The following MON2 variants were observed in gnomAD, a reference collection of about 807,000 sequenced individuals.
The protein encoded by MON2 is protein MON2 homolog.
A neutral mutation model predicts 208.6 loss-of-function variants in MON2; 84 were observed. The ratio of observed to expected loss-of-function variants is 0.40; its 90% CI spans 0.34 to 0.48. MON2 has a LOEUF of 0.48. MON2 is among the 20% of genes least tolerant of loss of function. MON2 has a pLI of 0.59. For synonymous variants in MON2, 660 were observed against 694.0 expected (o/e 0.95, Z 0.77); for missense variants, 1,611 against 2,015.4 (o/e 0.80, Z 3.84).
chr12:62,544,992 C>T lies in MON2; in HGVS notation c.2561C>T (p.Pro854Leu), dbSNP rs760199465. 7 of 1,582,850 alleles carry T rather than the reference C, an allele frequency of 4.4e-6. No homozygotes were observed. In the South Asian group the frequency reaches 7.0e-5, roughly 16 times the overall value. The change falls in exon 21 of 35, where the codon CCA (proline) becomes CTA (leucine). Residue 854 changes from proline (P) to leucine (L), a missense_variant. Coordinates refer to ENST00000393630, the MANE Select transcript of MON2 (RefSeq NM_015026.3). The stretch of plus-strand genomic sequence containing the variant: ...GGATTAACATTTAACCATGATCCTC[C>T]ACTCTCACAAAACCAGGTAATAAAA... Reference protein sequence around the residue: ...KAGLTFNHDPPLSQNQRLQLL... With the variant: ...KAGLTFNHDPLLSQNQRLQLL...
intron 11 of MON2, 46 bp downstream of exon 11, chr12:62,526,148 G>T: frequency 1.3e-6 from 2 of 1,563,710 alleles, no homozygotes; most frequent in Admixed American, 1.7e-5. Context: ...GTTGTTGGGG[G>T]TGATATTTAA....
At chr12:62,473,891 G>C (rs182415775) in intron 1 of MON2, among the ~76,000 whole-genome samples, 55 of 151,910 alleles carry the variant, frequency 3.6e-4, no homozygotes, top group African/African-American at 1.3e-3. Context: ...TTACATACAA[G>C]TGTCTCCCAG....
At position 62,561,128 on chromosome 12, in the gene MON2, G is replaced by C. The variant is rs776716473; in HGVS notation, c.4032+15G>C. The C allele has an allele frequency of 1.9e-6, 3 of 1,572,898 alleles. No homozygotes were observed. In the African/African-American group the frequency reaches 4.1e-5, roughly 22 times the overall value. ...TTCTCCAAAAGGTAATATAATTTTA[G>C]TGGCTAAGTAATACTGCATATAGTT... On this transcript the variant is annotated intron_variant, in intron 26 of 34. Transcript: ENST00000393630.
intron 7 of MON2, among the ~76,000 whole-genome samples, chr12:62,505,976 A>T (rs957587689): frequency 6.6e-6 from 1 of 152,154 alleles, no homozygotes; most frequent in Non-Finnish European, 1.5e-5. Flanking sequence ...TTGGCCACAG[A>T]GATCATGATG....
At chr12:62,480,707 G>C (rs4763169) in intron 1 of MON2, among the ~76,000 whole-genome samples, 14,563 of 152,222 alleles carry the variant, frequency 0.096, 856 homozygotes, top group Non-Finnish European at 0.14. Flanking sequence ...ATCATTTACT[G>C]ACATCTATCA....
intron 4 of MON2, 126 bp from the exon 5 acceptor site, chr12:62,498,783 GAGGATTTTAT>G (rs2070679992): frequency 1.1e-6 from 1 of 892,870 alleles, no homozygotes; most frequent in African/African-American, 1.7e-5. Flanking sequence ...ATCAAAATCT[GAGGATTTTAT>G]ATTTTATTGT....
At chr12:62,504,578 T>G (rs2071010616) in intron 7 of MON2, among the ~76,000 whole-genome samples, 1 of 152,176 alleles carries the variant, frequency 6.6e-6, no homozygotes, top group Admixed American at 6.5e-5. Context: ...CTTAGAAAAT[T>G]TACTTTATTC....
intron 30 of MON2, among the ~76,000 whole-genome samples, chr12:62,577,095 A>G (rs978728422): frequency 6.6e-6 from 1 of 152,048 alleles, no homozygotes; most frequent in Non-Finnish European, 1.5e-5. Context: ...TTTTAATATT[A>G]CTAAACCCTT....
At chr12:62,491,102 T>C (rs1565966508) in intron 2 of MON2, among the ~76,000 whole-genome samples, 1 of 152,166 alleles carries the variant, frequency 6.6e-6, no homozygotes, top group East Asian at 1.9e-4. Context: ...ATCAGTTGAG[T>C]TGCATGCATT....
chr12:62,538,310 T>G lies in MON2; in HGVS notation c.2258T>G (p.Leu753Trp). 6.2e-7 allele frequency: 1 copy of G among 1,612,744 alleles called. No homozygotes were observed. Among genetic ancestry groups the G allele is most frequent in the Non-Finnish European group, 8.5e-7 (1 of 1,178,768 alleles). The change falls in exon 18 of 35, where the codon TTG becomes TGG. Residue 753 changes from leucine to tryptophan, a missense_variant. By Grantham distance (61) the Leu-to-Trp change is moderately conservative. Coordinates refer to ENST00000393630, the MANE Select transcript of MON2 (RefSeq NM_015026.3). ...LPVISNILSR[L>W]FESSQYLDDV... ...GTGATTTCCAATATACTTTCAAGAT[T>G]GTTTGAAAGCTCACAGTAAGAGTCA...
chr12:62,542,442 A>G (rs974696420), intron 19 of MON2, among the ~76,000 whole-genome samples: 1 of 152,176 alleles, frequency 6.6e-6, no homozygotes, highest in Non-Finnish European at 1.5e-5. Context: ...GGCTTTCATC[A>G]GCTGAATTTG....
chr12:62,513,324 C>A (rs1438808390), intron 8 of MON2, among the ~76,000 whole-genome samples: 1 of 152,030 alleles, frequency 6.6e-6, no homozygotes, highest in African/African-American at 2.4e-5. Flanking sequence ...CTCCTGGGTT[C>A]AAGTGATTCT....
At position 62,525,109 on chromosome 12, in the gene MON2, A is replaced by G; in HGVS notation, c.1135A>G (p.Lys379Glu). 1.2e-6 allele frequency: 2 copies of G among 1,611,176 alleles called. No individual in the cohort carries two copies. Among genetic ancestry groups the G allele is most frequent in the South Asian group, 2.2e-5 (2 of 90,984 alleles). Residue 379 changes from lysine (K) to glutamate (E), a missense_variant, in exon 10 of 35, where the codon AAA becomes GAA. Lys to Glu is a moderately conservative substitution (Grantham distance 56). Transcript: ENST00000393630. The part of the protein sequence containing the change: ...LRSFCQSYDM[K>E]QHSTKVFRDI... Reference sequence around the variant, plus strand: ...GTCATTTTGTCAGTCCTATGATATGAAACAGCATTCTACCAAGGTTTTTCG... The same window carrying G: ...GTCATTTTGTCAGTCCTATGATATGGAACAGCATTCTACCAAGGTTTTTCG...
chr12:62,517,610 A>G (rs2071771475), intron 8 of MON2, among the ~76,000 whole-genome samples: 1 of 152,110 alleles, frequency 6.6e-6, no homozygotes, highest in Non-Finnish European at 1.5e-5. Context: ...GCCCTCCACC[A>G]TGTGAAGACA....
intron 26 of MON2, among the ~76,000 whole-genome samples, chr12:62,562,829 T>C (rs79138890): frequency 0.02 from 3,060 of 152,272 alleles, 95 homozygotes; most frequent in African/African-American, 0.068. Context: ...GCTTTTATAT[T>C]GTTTAGGACT....
chr12:62,533,105 A>C (rs762368642), intron 12 of MON2, among the ~76,000 whole-genome samples: 4 of 152,056 alleles, frequency 2.6e-5, no homozygotes, highest in South Asian at 2.1e-4. Context: ...ATATGACCTT[A>C]CTTTTTTGAG....
intron 8 of MON2, among the ~76,000 whole-genome samples, chr12:62,516,279 G>A (rs1266691936): frequency 6.6e-6 from 1 of 152,166 alleles, no homozygotes; most frequent in Admixed American, 6.5e-5. Flanking sequence ...GCTGGGAAGG[G>A]TGGTGGAGAT....
chr12:62,563,501 T>C (rs531478854), intron 26 of MON2, among the ~76,000 whole-genome samples: 60 of 152,256 alleles, frequency 3.9e-4, no homozygotes, highest in African/African-American at 1.3e-3. Flanking sequence ...TAGGAAATAT[T>C]ATCTAGATTG....
At chr12:62,488,718 A>T (rs921258255) in intron 2 of MON2, among the ~76,000 whole-genome samples, 1 of 152,100 alleles carries the variant, frequency 6.6e-6, no homozygotes, top group Non-Finnish European at 1.5e-5. Flanking sequence ...AGCCAGGGAG[A>T]TTACATAGTT....
Sources: allele counts gnomAD v4.1 joint callset (sites outside exome capture counted in the v4.1 genomes callset), GRCh38; gene constraint gnomAD v4.1.1; transcripts MANE v1.5; gene names NCBI Gene and HGNC (gene_info 2026-07-23, HGNC 2026-07-21).